ZNF469: variants seen among roughly 807,000 people sequenced by gnomAD.
ZNF469 encodes zinc finger protein 469.
A neutral mutation model predicts 1.0 loss-of-function variants in ZNF469; 1 was observed. The ratio of observed to expected loss-of-function variants is 1.00; its 90% CI spans 0.35 to 4.73. ZNF469 has a LOEUF of 4.73. Among genes scored for constraint, ZNF469 ranks in the 30% most tolerant of loss-of-function variants. The probability of loss-of-function intolerance (pLI) is 0.16; values close to 1 mark genes in which losing one functional copy is unlikely to be tolerated. For missense variants in ZNF469, 6,100 were observed against 5,356.3 expected (o/e 1.14, Z -4.33); for synonymous variants, 2,703 against 2,363.4 (o/e 1.14, Z -4.17).
rs1165877663 is a variant in ZNF469, at chr16:88,436,745, C to T, written c.9275C>T (p.Thr3092Ile). Residue 3092 changes from threonine to isoleucine, a missense_variant, in exon 3 of 3, where the codon ACA becomes ATA. Thr to Ile is a moderately conservative substitution (Grantham distance 89). Coordinates refer to ENST00000565624, the MANE Select transcript of ZNF469 (RefSeq NM_001367624.2). ...TCACAGGGGCCACAGAGCCGAAGGA[C>T]AGAGGAGGCTGCAGGGGCAGGGAGG... is the stretch of plus-strand genomic sequence containing the variant. ...ASSQGPQSRR[T>I]EEAAGAGRAQ... 2 of 1,548,224 alleles carry T rather than the reference C, an allele frequency of 1.3e-6. No individual in the cohort carries two copies. The highest frequency in any genetic ancestry group is 1.7e-6 in the Non-Finnish European group (2 of 1,146,254).
chr16:88,309,552 G>A, the ZNF469 span, among the ~76,000 whole-genome samples: 1 of 150,320 alleles, frequency 6.7e-6, no homozygotes, highest in Admixed American at 6.6e-5. Flanking sequence ...CCTGATGGGG[G>A]GAGTACCCTC....
At chr16:88,105,091 C>T in the ZNF469 span, among the ~76,000 whole-genome samples, 3 of 152,092 alleles carry the variant, frequency 2.0e-5, 1 homozygote, top group Admixed American at 6.5e-5. Context: ...GGTGGTGGTG[C>T]GTGTGTATAG....
chr16:88,229,059 C>A, the ZNF469 span, among the ~76,000 whole-genome samples: 1 of 152,212 alleles, frequency 6.6e-6, no homozygotes, highest in Non-Finnish European at 1.5e-5. Flanking sequence ...CCCATCACCT[C>A]CCCGGGACTG....
the ZNF469 span, among the ~76,000 whole-genome samples, chr16:88,132,186 G>A: frequency 3.9e-5 from 6 of 152,206 alleles, no homozygotes; most frequent in South Asian, 2.1e-4. Context: ...ATGCCACAGC[G>A]CCAGGCCCCC....
At chr16:88,325,946 T>G in the ZNF469 span, among the ~76,000 whole-genome samples, 1 of 152,328 alleles carries the variant, frequency 6.6e-6, no homozygotes, top group African/African-American at 2.4e-5. Flanking sequence ...CTGTGAGCAA[T>G]AGAGCTAACA....
At chr16:88,126,308 CT>C in the ZNF469 span, among the ~76,000 whole-genome samples, 1,334 of 148,860 alleles carry the variant, frequency 9.0e-3, 16 homozygotes, top group African/African-American at 0.031. Context: ...TTGTTTCTGT[CT>C]TTACTGTACT....
At chr16:88,165,259 C>T in the ZNF469 span, among the ~76,000 whole-genome samples, 1 of 152,232 alleles carries the variant, frequency 6.6e-6, no homozygotes, top group African/African-American at 2.4e-5. Flanking sequence ...CATGGAGAAG[C>T]ATGTGCTGCC....
rs936945500 is a variant in ZNF469, at chr16:88,437,092, C to T, written c.9622C>T (p.Arg3208Trp). Residue 3208 changes from arginine to tryptophan, a missense_variant, in exon 3 of 3, where the codon CGG (arginine) becomes TGG (tryptophan). By Grantham distance (101) the Arg-to-Trp change is moderately radical. Coordinates refer to ENST00000565624, the MANE Select transcript of ZNF469 (RefSeq NM_001367624.2). ...AVRFARRGQA[R>W]RSLGDLPGGL... ...CCGCTTCGCCCGCAGGGGGCAGGCG[C>T]GGAGGTCCTTGGGGGACCTGCCCGG... The T allele has an allele frequency of 5.8e-6, 9 of 1,545,626 alleles. No homozygotes were observed. The highest frequency in any genetic ancestry group is 2.0e-5 in the Admixed American group (1 of 50,912).
At chr16:88,210,315 A>C in the ZNF469 span, among the ~76,000 whole-genome samples, 4 of 151,750 alleles carry the variant, frequency 2.6e-5, no homozygotes, top group East Asian at 1.9e-4. Flanking sequence ...TGTATGTTAT[A>C]AATATTTCTC....
chr16:88,134,659 C>T, the ZNF469 span, among the ~76,000 whole-genome samples: 5,662 of 152,288 alleles, frequency 0.037, 337 homozygotes, highest in African/African-American at 0.13. Context: ...TCTGCCGACC[C>T]CGTGTGGGTG....
the ZNF469 span, among the ~76,000 whole-genome samples, chr16:88,315,332 A>G: frequency 6.6e-6 from 1 of 152,224 alleles, no homozygotes; most frequent in African/African-American, 2.4e-5. Flanking sequence ...CAGGGCCACC[A>G]TCCTGTGTGT....
At chr16:88,291,498 G>A in the ZNF469 span, among the ~76,000 whole-genome samples, 1 of 152,166 alleles carries the variant, frequency 6.6e-6, no homozygotes, top group Non-Finnish European at 1.5e-5. Flanking sequence ...CTTCGCATCG[G>A]GCAGCCATCA....
the ZNF469 span, among the ~76,000 whole-genome samples, chr16:88,103,948 G>A: frequency 1.5e-4 from 23 of 152,198 alleles, no homozygotes; most frequent in South Asian, 1.2e-3. Flanking sequence ...GCACGAGGAC[G>A]GTCACTGCAT....
chr16:88,259,241 G>A, the ZNF469 span, among the ~76,000 whole-genome samples: 2 of 151,890 alleles, frequency 1.3e-5, no homozygotes, highest in Non-Finnish European at 2.9e-5. The surrounding 1 kb of genome is among the most constrained non-coding windows in gnomAD (Gnocchi z 4.1). Context: ...TCCCGGGCAA[G>A]CCGACCCACC....
chr16:88,130,579 G>T, the ZNF469 span, among the ~76,000 whole-genome samples: 7 of 152,016 alleles, frequency 4.6e-5, no homozygotes, highest in African/African-American at 1.7e-4. Context: ...GGTGGCAGGT[G>T]CCTGTAGTCC....
the ZNF469 span, among the ~76,000 whole-genome samples, chr16:88,272,807 C>G: frequency 3.6e-5 from 5 of 140,716 alleles, no homozygotes; most frequent in South Asian, 4.6e-4. Context: ...TGTGGATAGA[C>G]GAGTGGGCAG....
the ZNF469 span, among the ~76,000 whole-genome samples, chr16:88,281,810 G>A: frequency 6.6e-6 from 1 of 151,584 alleles, no homozygotes; most frequent in African/African-American, 2.4e-5. Flanking sequence ...TGTCAATTTT[G>A]GCACACAGGT....
At chr16:88,355,853 G>C in the ZNF469 span, among the ~76,000 whole-genome samples, 1 of 152,296 alleles carries the variant, frequency 6.6e-6, no homozygotes, top group Non-Finnish European at 1.5e-5. Context: ...GGAGGACCAA[G>C]ACCACACTTT....
chr16:88,389,829 T>TC (rs1904435679), intron 1 of ZNF469, among the ~76,000 whole-genome samples: 1 of 151,828 alleles, frequency 6.6e-6, no homozygotes, highest in South Asian at 2.1e-4. Context: ...CCCAGGAGGC[T>TC]CCCCCGCTGT....
Sources: gnomAD v4.1 joint callset for allele counts (sites outside exome capture counted in the v4.1 genomes callset) on GRCh38, gnomAD v4.1.1 for gene constraint, Gnocchi (gnomAD v3.1) non-coding constraint, MANE v1.5 for transcripts, NCBI Gene and HGNC (gene_info 2026-07-23, HGNC 2026-07-21) for gene names.